The following PAQR8 variants were observed in gnomAD, a reference collection of about 807,000 sequenced individuals.
The protein encoded by PAQR8 is membrane progestin receptor beta.
PAQR8 carries 17 observed loss-of-function variants against 25.2 expected under a neutral mutation model. That is an observed-to-expected ratio of 0.67 (90% CI 0.46 to 1.01). The LOEUF is 1.01. Among genes scored for constraint, PAQR8 ranks in the 50% least tolerant of loss-of-function variants. The pLI, the probability that PAQR8 is intolerant of heterozygous loss-of-function variation, is 0.00. For missense variants in PAQR8, 392 were observed against 448.4 expected, an observed-to-expected ratio of 0.87 and a Z score of 1.14; for synonymous variants, 204 against 190.6, an observed-to-expected ratio of 1.07 and a Z score of -0.58.
intron 1 of PAQR8, among the ~76,000 whole-genome samples, chr6:52,400,251 T>C (rs994181593): frequency 6.6e-6 from 1 of 152,130 alleles, no homozygotes; most frequent in Non-Finnish European, 1.5e-5. Flanking sequence ...GCCATAGAAA[T>C]AGGTTCAAGG....
intron 1 of PAQR8, among the ~76,000 whole-genome samples, chr6:52,383,148 CAT>C (rs1763583298): frequency 6.6e-6 from 1 of 152,220 alleles, no homozygotes; most frequent in Non-Finnish European, 1.5e-5. Context: ...CATATAAACA[CAT>C]ATACTATGTA....
chr6:52,377,060 T>C (rs1763493284), intron 1 of PAQR8, among the ~76,000 whole-genome samples: 1 of 152,200 alleles, frequency 6.6e-6, no homozygotes, highest in African/African-American at 2.4e-5. Flanking sequence ...TCCTCTGTTT[T>C]CTAAAGGCAC....
At chr6:52,395,837 C>T (rs1763761338) in intron 1 of PAQR8, among the ~76,000 whole-genome samples, 1 of 152,102 alleles carries the variant, frequency 6.6e-6, no homozygotes, top group Non-Finnish European at 1.5e-5. Flanking sequence ...ATCACCTCCT[C>T]TCACCCACCC....
chr6:52,397,186 ACT>A (rs1332847418), intron 1 of PAQR8, among the ~76,000 whole-genome samples: 2 of 151,486 alleles, frequency 1.3e-5, no homozygotes, highest in East Asian at 1.9e-4. Flanking sequence ...GAGAGAAATG[ACT>A]CTCATTTCCT....
At chr6:52,364,083 G>GT (rs67846872) in intron 1 of PAQR8, among the ~76,000 whole-genome samples, 2,186 of 84,248 alleles carry the variant, frequency 0.026, 190 homozygotes, top group Admixed American at 0.058. Flanking sequence ...TGAAAGATAT[G>GT]TTTTTTTTTT....
Position 52,404,055 on chromosome 6 carries a change from G to A in PAQR8, c.842G>A (p.Gly281Glu). 1 of 1,614,198 alleles carries A rather than the reference G, an allele frequency of 6.2e-7. No individual in the cohort carries two copies. Among genetic ancestry groups the A allele is most frequent in the Non-Finnish European group, 8.5e-7 (1 of 1,180,030 alleles). The change falls in exon 2 of 2, where the codon GGG becomes GAG. Residue 281 changes from glycine (G) to glutamate (E), a missense_variant. Coordinates refer to ENST00000442253, the MANE Select transcript of PAQR8 (RefSeq NM_133367.5). ...FPGSCDIVGH[G>E]HQIFHAFLSI... ...GGTTCCTGTGACATCGTGGGCCATG[G>A]GCATCAGATCTTCCATGCATTTCTG...
intron 1 of PAQR8, among the ~76,000 whole-genome samples, chr6:52,382,969 A>G (rs1253119555): frequency 6.6e-6 from 1 of 152,234 alleles, no homozygotes; most frequent in East Asian, 1.9e-4. Flanking sequence ...GTTATTTTGT[A>G]GAAACAGGAT....
intron 1 of PAQR8, among the ~76,000 whole-genome samples, chr6:52,363,792 A>G (rs1204220254): frequency 6.6e-6 from 1 of 152,216 alleles, no homozygotes; most frequent in Non-Finnish European, 1.5e-5. Flanking sequence ...TGACCAGGTC[A>G]ACTGGAAGGG....
chr6:52,406,178 G>A lies in PAQR8; in HGVS notation c.*1900G>A, dbSNP rs967584767. ...GGGTTGAACTGAACAAGAGGATGGGGGAATTGTGCAAATACGTTGTTAGTA... is the reference window on the plus strand; with the variant it reads ...GGGTTGAACTGAACAAGAGGATGGGAGAATTGTGCAAATACGTTGTTAGTA... On this transcript the variant is annotated 3_prime_UTR_variant, in exon 2 of 2. Transcript: ENST00000442253. 1 of 240,328 alleles carries A rather than the reference G, an allele frequency of 4.2e-6. No individual in the cohort carries two copies. Among genetic ancestry groups the A allele is most frequent in the South Asian group, 1.8e-4 (1 of 5,454 alleles). 14.9% of individuals were successfully genotyped at this position (240,328 alleles called of 1,614,324 possible).
chr6:52,371,423 G>C (rs1307459048), intron 1 of PAQR8, among the ~76,000 whole-genome samples: 1 of 152,178 alleles, frequency 6.6e-6, no homozygotes, highest in South Asian at 2.1e-4. Flanking sequence ...GTCTATAAAA[G>C]AAGCATGAAT....
At chr6:52,402,553 G>A (rs1214984719) in intron 1 of PAQR8, among the ~76,000 whole-genome samples, 17 of 150,538 alleles carry the variant, frequency 1.1e-4, no homozygotes, top group South Asian at 8.4e-4. Flanking sequence ...GGAGGCGGAG[G>A]TTGTGGTGAG....
At chr6:52,364,458 A>G (rs1030442930) in intron 1 of PAQR8, among the ~76,000 whole-genome samples, 9 of 152,160 alleles carry the variant, frequency 5.9e-5, no homozygotes, top group Non-Finnish European at 1.0e-4. Context: ...TCTTTATCCA[A>G]ATGTTAAAAT....
At chr6:52,389,898 GC>G (rs1763679330) in intron 1 of PAQR8, among the ~76,000 whole-genome samples, 1 of 152,228 alleles carries the variant, frequency 6.6e-6, no homozygotes, top group Non-Finnish European at 1.5e-5. Flanking sequence ...GAAGCTTCCT[GC>G]CGGTGAGAAG....
chr6:52,364,500 T>C (rs1107257), intron 1 of PAQR8, among the ~76,000 whole-genome samples: 48,113 of 152,074 alleles, frequency 0.32, 8,320 homozygotes, highest in Middle Eastern at 0.47. Flanking sequence ...TTCAAATCAG[T>C]ATTTCTCCCC....
chr6:52,369,789 G>C (rs1256770460), intron 1 of PAQR8, among the ~76,000 whole-genome samples: 1 of 152,178 alleles, frequency 6.6e-6, no homozygotes, highest in Non-Finnish European at 1.5e-5. Context: ...ATTCATTCCA[G>C]AAATCCCATC....
rs1420925538 is a variant in PAQR8 at position 52,406,213 on chromosome 6, T to C, written c.*1935T>C. The C allele has an allele frequency of 2.9e-5, 9 of 315,586 alleles. No homozygotes were observed. Among genetic ancestry groups the C allele is most frequent in the Non-Finnish European group, 5.4e-5 (9 of 165,462 alleles). 19.5% of individuals were successfully genotyped at this position (315,586 alleles called of 1,614,324 possible). On this transcript the variant is annotated 3_prime_UTR_variant, in exon 2 of 2. Coordinates refer to ENST00000442253, the MANE Select transcript of PAQR8 (RefSeq NM_133367.5). ...AAATACGTTGTTAGTAGAAGGTCAA[T>C]TTAAAATAGGGACTAGAAATTATTT... is the stretch of plus-strand genomic sequence containing the variant.
Position 52,403,363 on chromosome 6 carries a change from C to T in PAQR8, c.150C>T (p.Tyr50=), listed in dbSNP as rs1213012437. 3.7e-6 allele frequency: 6 copies of T among 1,614,160 alleles called. No individual in the cohort carries two copies. The highest frequency in any genetic ancestry group is 2.2e-5 in the South Asian group (2 of 91,096). ...TDVPQLFREP[Y]IRTGYRPTGH... is the part of the protein sequence containing the mutation. ...TGCCCCAGCTCTTCCGGGAGCCTTA[C>T]ATCCGCACCGGCTACCGCCCCACGG... The change falls in exon 2 of 2, where the codon TAC becomes TAT. Residue 50 remains tyrosine (Y), a synonymous_variant. Coordinates refer to ENST00000442253, the MANE Select transcript of PAQR8 (RefSeq NM_133367.5).
At chr6:52,395,272 C>CAAAAAAA (rs34239055) in intron 1 of PAQR8, among the ~76,000 whole-genome samples, 2 of 93,432 alleles carry the variant, frequency 2.1e-5, no homozygotes, top group Non-Finnish European at 4.3e-5. Context: ...GACTTCGTCT[C>CAAAAAAA]AAAAAAAAAA....
At chr6:52,388,480 T>C (rs2113945117) in intron 1 of PAQR8, among the ~76,000 whole-genome samples, 1 of 152,210 alleles carries the variant, frequency 6.6e-6, no homozygotes, top group East Asian at 1.9e-4. Flanking sequence ...TTCCATGAAA[T>C]TGGTCCCTGG....
Sources: allele counts gnomAD v4.1 joint callset (sites outside exome capture counted in the v4.1 genomes callset), GRCh38; gene constraint gnomAD v4.1.1; transcripts MANE v1.5; gene names NCBI Gene and HGNC (gene_info 2026-07-23, HGNC 2026-07-21).